Variants in SLC24A1 observed in about 807,000 individuals in gnomAD.
The protein encoded by SLC24A1 is sodium/potassium/calcium exchanger 1.
In SLC24A1, 52 loss-of-function variants were observed where a neutral mutation model predicts 88.1. The observed-to-expected ratio is 0.59, with a 90% CI of 0.47 to 0.74. The LOEUF (loss-of-function observed/expected upper bound fraction) is 0.74, where lower values mean the gene tolerates loss of function less well. Among genes scored for constraint, SLC24A1 ranks in the 30% least tolerant of loss-of-function variants. The pLI is 0.00. For synonymous variants in SLC24A1, 455 were observed against 498.0 expected (o/e 0.91, Z 1.15); for missense variants, 1,173 against 1,363.3 (o/e 0.86, Z 2.20).
intron 2 of SLC24A1, among the ~76,000 whole-genome samples, chr15:65,614,775 G>T (rs2074081345): frequency 6.6e-6 from 1 of 152,240 alleles, no homozygotes; most frequent in Admixed American, 6.5e-5. Flanking sequence ...TCTGGCATGT[G>T]ATGGTGGATA....
chr15:65,653,364 G>A (rs1220807082), intron 9 of SLC24A1, among the ~76,000 whole-genome samples: 2 of 152,112 alleles, frequency 1.3e-5, no homozygotes, highest in Admixed American at 6.6e-5. Flanking sequence ...TTGTGTATGT[G>A]TATTTGGGGT....
intron 2 of SLC24A1, among the ~76,000 whole-genome samples, chr15:65,636,441 G>T (rs536280779): frequency 6.6e-5 from 10 of 152,076 alleles, no homozygotes; most frequent in African/African-American, 2.2e-4. Flanking sequence ...AACTAGCCGG[G>T]TGTCGTAGTA....
intron 3 of SLC24A1, among the ~76,000 whole-genome samples, chr15:65,639,099 C>G (rs955365002): frequency 6.6e-6 from 1 of 152,172 alleles, no homozygotes; most frequent in East Asian, 1.9e-4. Flanking sequence ...CCTGCATGAC[C>G]TTGGCTTAGG....
In SLC24A1 at chr15:65,624,578, T is replaced by C; in HGVS notation, c.498T>C (p.Tyr166=). The change falls in exon 2 of 10, where the codon TAT becomes TAC. Residue 166 remains tyrosine (Y), a synonymous_variant. Coordinates refer to ENST00000261892, the MANE Select transcript of SLC24A1 (RefSeq NM_004727.3). ...CAAGCAGACAAATAGTAAAAAAGTA[T>C]ACCCCAACACCCAGGGGAGAAATGA... ...STSSRQIVKK[Y]TPTPRGEMKS... 6.3e-7 allele frequency: 1 copy of C among 1,594,492 alleles called. No individual in the cohort carries two copies. The highest frequency in any genetic ancestry group is 8.5e-7 in the Non-Finnish European group (1 of 1,170,454).
rs1353375000 is a variant in SLC24A1 at position 65,625,433 on chromosome 15, G to T, written c.1353G>T (p.Arg451=). The part of the protein sequence containing the change: ...PPDLFSVEER[R]QGWVVLHVFG... Reference sequence around the variant, plus strand: ...ATCTGTTCAGTGTGGAGGAGCGGCGGCAGGGCTGGGTGGTCCTGCACGTTT... The same window carrying T: ...ATCTGTTCAGTGTGGAGGAGCGGCGTCAGGGCTGGGTGGTCCTGCACGTTT... The change falls in exon 2 of 10, where the codon CGG becomes CGT. Residue 451 remains arginine, a synonymous_variant. Transcript: ENST00000261892. 6.2e-7 allele frequency: 1 copy of T among 1,614,060 alleles called. No homozygotes were observed. The highest frequency in any genetic ancestry group is 2.2e-5 in the East Asian group (1 of 44,888).
At chr15:65,659,506 A>G (rs939510502), downstream of SLC24A1, 1 of 151,124 alleles carries the variant, frequency 6.6e-6, no homozygotes, top group South Asian at 2.1e-4. Context: ...GAGCAAATTT[A>G]AAAAATTTTT....
Position 65,627,788 on chromosome 15 carries a change from C to A in SLC24A1, c.1890+1818C>A, listed in dbSNP as rs554843097. Among the ~76,000 whole-genome samples, 5 of 152,306 alleles carry A rather than the reference C, an allele frequency of 3.3e-5. No homozygotes were observed. In the South Asian group the frequency reaches 1.0e-3, roughly 32 times the overall value. ...TAATTCTGCTTTTATTTAGACTCTA[C>A]AAACTCTGACCATCAAAGCAAAGCT... On this transcript the variant is annotated intron_variant, in intron 2 of 9. Transcript: ENST00000261892.
intron 6 of SLC24A1, 128 bp downstream of exon 6, chr15:65,645,831 C>G (rs1415854724): frequency 3.1e-6 from 2 of 642,478 alleles, no homozygotes; most frequent in East Asian, 5.5e-5. Context: ...TAAATATTAC[C>G]CTTTCTCTGA....
At chr15:65,637,814 A>AG (rs926855843) in intron 2 of SLC24A1, among the ~76,000 whole-genome samples, 1 of 152,020 alleles carries the variant, frequency 6.6e-6, no homozygotes, top group Non-Finnish European at 1.5e-5. Context: ...CATTACGGAC[A>AG]GGGGGCGAGG....
chr15:65,624,265 T>C lies in SLC24A1; in HGVS notation c.185T>C (p.Leu62Pro), dbSNP rs549573756. The C allele has an allele frequency of 3.7e-6, 6 of 1,613,832 alleles. No individual in the cohort carries two copies. Among genetic ancestry groups the C allele is most frequent in the Admixed American group, 3.3e-5 (2 of 60,006 alleles). ...AAVSSHQPIK[L>P]ASRDLSSEEM... ...GTCTCTTCTCATCAGCCTATAAAAC[T>C]GGCCAGTCGGGACCTCTCCAGTGAA... is the stretch of plus-strand genomic sequence containing the variant. Residue 62 changes from leucine to proline, a missense_variant, in exon 2 of 10, where the codon CTG becomes CCG. Physicochemically the swap from Leu to Pro is moderately conservative, Grantham distance 98. Coordinates refer to ENST00000261892, the MANE Select transcript of SLC24A1 (RefSeq NM_004727.3).
chr15:65,630,489 C>G (rs1406426095), intron 2 of SLC24A1, among the ~76,000 whole-genome samples: 3 of 152,168 alleles, frequency 2.0e-5, no homozygotes, highest in Non-Finnish European at 4.4e-5. Context: ...GAGAACCCCC[C>G]CTGCCTCTGT....
chr15:65,612,962 A>AGTTT (rs752704220), intron 2 of SLC24A1, among the ~76,000 whole-genome samples: 1 of 152,240 alleles, frequency 6.6e-6, no homozygotes, highest in East Asian at 1.9e-4. Context: ...TAGGGCAACT[A>AGTTT]GTTTGTTTGT....
intron 7 of SLC24A1, among the ~76,000 whole-genome samples, 186 bp from the exon 8 acceptor site, chr15:65,651,484 A>G (rs1000438443): frequency 1.3e-5 from 2 of 151,950 alleles, no homozygotes; most frequent in Admixed American, 6.6e-5. Flanking sequence ...TGTACCCCCA[A>G]CCTCCATCCT....
At chr15:65,637,754 A>G (rs1052736963) in intron 2 of SLC24A1, among the ~76,000 whole-genome samples, 2 of 152,326 alleles carry the variant, frequency 1.3e-5, no homozygotes, top group African/African-American at 2.4e-5. Flanking sequence ...ATGGCTTCCC[A>G]GAGGAAGGTG....
intron 2 of SLC24A1, among the ~76,000 whole-genome samples, chr15:65,631,100 A>T (rs1268615421): frequency 2.0e-5 from 3 of 152,170 alleles, no homozygotes; most frequent in African/African-American, 7.2e-5. Flanking sequence ...AAACTCAAAC[A>T]TCTGATCACA....
At chr15:65,632,521 G>A (rs1596318856) in intron 2 of SLC24A1, among the ~76,000 whole-genome samples, 1 of 152,124 alleles carries the variant, frequency 6.6e-6, no homozygotes, top group Non-Finnish European at 1.5e-5. Flanking sequence ...TGAAGCCCAG[G>A]AACAAAGTCT....
Position 65,624,925 on chromosome 15 carries a change from T to C in SLC24A1, c.845T>C (p.Phe282Ser). The C allele has an allele frequency of 1.2e-6, 2 of 1,613,260 alleles. No homozygotes were observed. The highest frequency in any genetic ancestry group is 4.5e-5 in the East Asian group (2 of 44,884). The change falls in exon 2 of 10, where the codon TTT becomes TCT. Residue 282 changes from phenylalanine (F) to serine (S), a missense_variant. Physicochemically the swap from Phe to Ser is radical, Grantham distance 155. Coordinates refer to ENST00000261892, the MANE Select transcript of SLC24A1 (RefSeq NM_004727.3). Reference sequence around the variant, plus strand: ...AGCGTCATGGAAAAAAACAACCTGTTTCCCCCCAGAAGAGTGGAAAGTAAC... The same window carrying C: ...AGCGTCATGGAAAAAAACAACCTGTCTCCCCCCAGAAGAGTGGAAAGTAAC... ...PRSVMEKNNLFPPRRVESNSS... is the reference protein window; with the variant it reads ...PRSVMEKNNLSPPRRVESNSS...
rs1443239342 is a variant in SLC24A1 at position 65,625,428 on chromosome 15, C to T, written c.1348C>T (p.Arg450Trp). 1.9e-6 allele frequency: 3 copies of T among 1,613,906 alleles called. No individual in the cohort carries two copies. Among genetic ancestry groups the T allele is most frequent in the African/African-American group, 1.3e-5 (1 of 74,924 alleles). ...CCCAGATCTGTTCAGTGTGGAGGAG[C>T]GGCGGCAGGGCTGGGTGGTCCTGCA... is the stretch of plus-strand genomic sequence containing the variant. The part of the protein sequence containing the change: ...YPPDLFSVEE[R>W]RQGWVVLHVF... Residue 450 changes from arginine (R) to tryptophan (W), a missense_variant, in exon 2 of 10, where the codon CGG becomes TGG. Physicochemically the swap from Arg to Trp is moderately radical, Grantham distance 101 (BLOSUM62 -3). Transcript: ENST00000261892.
chr15:65,647,862 G>A (rs1035963413), intron 6 of SLC24A1, among the ~76,000 whole-genome samples: 5 of 152,024 alleles, frequency 3.3e-5, no homozygotes, highest in Admixed American at 6.6e-5. Context: ...CTCAACCCTG[G>A]TTGCATATTA....
Sources: allele counts gnomAD v4.1 joint callset (sites outside exome capture counted in the v4.1 genomes callset), GRCh38; gene constraint gnomAD v4.1.1; transcripts MANE v1.5; gene names NCBI Gene and HGNC (gene_info 2026-07-23, HGNC 2026-07-21).